The following ZNF385B variants were observed in gnomAD, a reference collection of about 807,000 sequenced individuals.
ZNF385B encodes the protein zinc finger protein 533.
In ZNF385B, 23 loss-of-function variants were observed where a neutral mutation model predicts 39.2. The observed-to-expected ratio is 0.59, with a 90% CI of 0.42 to 0.83. The LOEUF (loss-of-function observed/expected upper bound fraction) is 0.83. ZNF385B is among the 40% of genes least tolerant of loss of function. The pLI is 0.00. For missense variants in ZNF385B, 552 were observed against 598.9 expected, an observed-to-expected ratio of 0.92 and a Z score of 0.82; for synonymous variants, 205 against 222.6, an observed-to-expected ratio of 0.92 and a Z score of 0.70.
intron 3 of ZNF385B, among the ~76,000 whole-genome samples, chr2:179,642,800 A>T (rs1692382753): frequency 6.6e-6 from 1 of 152,298 alleles, no homozygotes; most frequent in East Asian, 1.9e-4. Context: ...TCTCTTAAGA[A>T]TGTCCTTGGA....
chr2:179,676,282 G>T (rs570497660), intron 3 of ZNF385B, among the ~76,000 whole-genome samples: 1 of 151,766 alleles, frequency 6.6e-6, no homozygotes, highest in Admixed American at 6.6e-5. Flanking sequence ...TAGAGATGGG[G>T]TTTCACCGTG....
chr2:179,542,557 T>C (rs2105900398), intron 4 of ZNF385B, among the ~76,000 whole-genome samples: 1 of 152,306 alleles, frequency 6.6e-6, no homozygotes, highest in Admixed American at 6.5e-5. Flanking sequence ...ACAAACCAAA[T>C]GACATGTTAG....
At chr2:179,561,492 C>T (rs548311953) in intron 3 of ZNF385B, among the ~76,000 whole-genome samples, 2 of 152,032 alleles carry the variant, frequency 1.3e-5, no homozygotes, top group African/African-American at 4.8e-5. Context: ...AGTCAATGCT[C>T]TTTCAATATT....
intron 3 of ZNF385B, among the ~76,000 whole-genome samples, chr2:179,597,221 C>T (rs1022716892): frequency 6.6e-6 from 1 of 152,202 alleles, no homozygotes; most frequent in Non-Finnish European, 1.5e-5. Context: ...GGCAGCACGC[C>T]ACTTCAGGTA....
At chr2:179,833,915 C>A (rs1441243756) in intron 1 of ZNF385B, among the ~76,000 whole-genome samples, 3 of 152,042 alleles carry the variant, frequency 2.0e-5, no homozygotes, top group East Asian at 3.9e-4. Flanking sequence ...CTGCAGAGAT[C>A]TTGAACTCAG....
intron 3 of ZNF385B, among the ~76,000 whole-genome samples, chr2:179,577,901 T>C (rs1176154728): frequency 1.3e-5 from 2 of 152,152 alleles, no homozygotes; most frequent in Non-Finnish European, 2.9e-5. Flanking sequence ...GTTTTTAAGC[T>C]AACATATATC....
At chr2:179,452,279 T>C (rs1559243192) in intron 6 of ZNF385B, among the ~76,000 whole-genome samples, 2 of 152,270 alleles carry the variant, frequency 1.3e-5, no homozygotes, top group Middle Eastern at 3.4e-3. Flanking sequence ...ATAAGCCATG[T>C]AAAGAAAACC....
chr2:179,586,040 T>C (rs1687042188), intron 3 of ZNF385B: 2 of 152,358 alleles, frequency 1.3e-5, no homozygotes, highest in East Asian at 1.9e-4. Flanking sequence ...TTTTATCTTA[T>C]ACTTATATTC....
In ZNF385B at chr2:179,719,818, C is replaced by T. The variant is rs185575587; in HGVS notation, c.298+49685G>A. 2.6e-5 allele frequency among the ~76,000 whole-genome samples: 4 copies of T among 152,296 alleles called. No individual in the cohort carries two copies. The East Asian group carries it at 5.8e-4, about 22-fold the overall frequency. On this transcript the variant is annotated intron_variant, in intron 3 of 9. Transcript: ENST00000410066. ...TCACAAATATATGCAGGCTACTCTA[C>T]ATAAGGAAGTTTCATACATGAAGGG...
At chr2:179,454,066 C>T (rs569657461) in intron 6 of ZNF385B, among the ~76,000 whole-genome samples, 132 of 152,052 alleles carry the variant, frequency 8.7e-4, no homozygotes, top group Admixed American at 1.6e-3. Context: ...TCAACCTGAG[C>T]CAGAAAAAAG....
At chr2:179,699,442 G>A (rs1699006575) in intron 3 of ZNF385B, among the ~76,000 whole-genome samples, 1 of 152,148 alleles carries the variant, frequency 6.6e-6, no homozygotes, top group Non-Finnish European at 1.5e-5. Context: ...AATATTGCTG[G>A]CACTAGTGAC....
intron 3 of ZNF385B, among the ~76,000 whole-genome samples, chr2:179,674,618 GTTT>G (rs1696500657): frequency 6.6e-6 from 1 of 152,020 alleles, no homozygotes; most frequent in Non-Finnish European, 1.5e-5. Flanking sequence ...AGCAAATTGT[GTTT>G]TTATCTGCTT....
chr2:179,824,112 A>G (rs1707552141), intron 1 of ZNF385B, among the ~76,000 whole-genome samples: 1 of 152,122 alleles, frequency 6.6e-6, no homozygotes, highest in Admixed American at 6.5e-5. Flanking sequence ...CTAAGGGTAC[A>G]AGTTCAACTA....
At chr2:179,792,903 T>A (rs1001086953) in intron 1 of ZNF385B, among the ~76,000 whole-genome samples, 1 of 152,194 alleles carries the variant, frequency 6.6e-6, no homozygotes, top group African/African-American at 2.4e-5. Flanking sequence ...GCTGAACTGG[T>A]AAATTTGCTT....
At chr2:179,568,280 C>T (rs1485829496) in intron 3 of ZNF385B, among the ~76,000 whole-genome samples, 1 of 152,190 alleles carries the variant, frequency 6.6e-6, no homozygotes, top group Non-Finnish European at 1.5e-5. Context: ...CCCTCTATTA[C>T]ACTGCTCGGT....
intron 3 of ZNF385B, among the ~76,000 whole-genome samples, chr2:179,617,033 T>C (rs905941801): frequency 2.0e-5 from 3 of 152,200 alleles, no homozygotes; most frequent in African/African-American, 7.2e-5. Flanking sequence ...TTTAGTGTGG[T>C]GTCTGTTACC....
chr2:179,835,971 G>A (rs1486947177), intron 1 of ZNF385B, among the ~76,000 whole-genome samples: 4 of 152,014 alleles, frequency 2.6e-5, no homozygotes, highest in Admixed American at 6.6e-5. Context: ...ATAAGTGAAC[G>A]GATAAATAAA....
chr2:179,732,837 A>C (rs188221516), intron 3 of ZNF385B, among the ~76,000 whole-genome samples: 4 of 152,320 alleles, frequency 2.6e-5, no homozygotes, highest in Admixed American at 1.3e-4. Context: ...GCAGCATTGA[A>C]TACTGTCACA....
At chr2:179,448,597 T>C (rs573934418) in intron 6 of ZNF385B, among the ~76,000 whole-genome samples, 3 of 152,078 alleles carry the variant, frequency 2.0e-5, no homozygotes, top group East Asian at 3.8e-4. Context: ...TCACTTACAT[T>C]GTCTTATTAG....
Sources: allele counts gnomAD v4.1 joint callset (sites outside exome capture counted in the v4.1 genomes callset), GRCh38; gene constraint gnomAD v4.1.1; transcripts MANE v1.5; gene names NCBI Gene and HGNC (gene_info 2026-07-23, HGNC 2026-07-21).